Variants in TPCN1 observed in about 807,000 individuals in gnomAD.
The protein encoded by TPCN1 is two pore channel protein 1.
TPCN1 carries 52 observed loss-of-function variants against 108.8 expected under a neutral mutation model. The ratio of observed to expected loss-of-function variants is 0.48; its 90% CI spans 0.38 to 0.60. The LOEUF is 0.60. TPCN1 is among the 20% of genes least tolerant of loss of function. The probability of loss-of-function intolerance (pLI) is 0.00; values close to 1 mark genes in which losing one functional copy is unlikely to be tolerated. For synonymous variants in TPCN1, 446 were observed against 433.7 expected (o/e 1.03, Z -0.35); for missense variants, 806 against 1,072.8 (o/e 0.75, Z 3.47).
intron 22 of TPCN1, 131 bp from the exon 23 acceptor site, chr12:113,290,821 C>A: frequency 2.4e-6 from 2 of 842,218 alleles, no homozygotes; most frequent in Non-Finnish European, 4.0e-6. Context: ...CTGGAGCTCA[C>A]AACCCAAGCG....
chr12:113,258,293 C>CT (rs1174310329), intron 2 of TPCN1, among the ~76,000 whole-genome samples: 1 of 152,080 alleles, frequency 6.6e-6, no homozygotes, highest in Non-Finnish European at 1.5e-5. Context: ...ATGCTAAACC[C>CT]TGTCTCTACT....
At chr12:113,295,854 GCC>G (rs1956408247) in intron 27 of TPCN1, 104 bp from the exon 28 acceptor site, 2 of 1,297,664 alleles carry the variant, frequency 1.5e-6, no homozygotes, top group Non-Finnish European at 2.1e-6. Flanking sequence ...GAGGCTGGCA[GCC>G]CTGCCCCTTC....
At chr12:113,281,670 C>G (rs1341750545) in intron 15 of TPCN1, among the ~76,000 whole-genome samples, 1 of 152,160 alleles carries the variant, frequency 6.6e-6, no homozygotes, top group Non-Finnish European at 1.5e-5. Flanking sequence ...TTCTGAGTAG[C>G]TGGGACCACA....
chr12:113,260,412 A>G lies in TPCN1; in HGVS notation c.157A>G (p.Ser53Gly). 1 of 1,533,206 alleles carries G rather than the reference A, an allele frequency of 6.5e-7. No individual in the cohort carries two copies. The highest frequency in any genetic ancestry group is 1.4e-5 in the African/African-American group (1 of 69,560). The allele number at this position is 1,533,206 out of a possible 1,614,324, so 95.0% of individuals were successfully genotyped here. The change falls in exon 3 of 28, where the codon AGC (serine) becomes GGC (glycine). Residue 53 changes from serine to glycine, a missense_variant. By Grantham distance (56) the Ser-to-Gly change is moderately conservative. Coordinates refer to ENST00000335509, the MANE Select transcript of TPCN1 (RefSeq NM_017901.6). The part of the protein sequence containing the change: ...AIHDSQAPSL[S>G]SGGESSPSSP... ...CCACGACTCCCAGGCCCCCAGTCTC[A>G]GCTCTGGGGGTGAGAGTTCCCCCTC...
chr12:113,279,380 TATATATATATA>T (rs1369173165), intron 14 of TPCN1, among the ~76,000 whole-genome samples: 23 of 33,990 alleles, frequency 6.8e-4, no homozygotes, highest in African/African-American at 2.8e-3. Flanking sequence ...TATATATATA[TATATATATATA>T]TTTTTTTTTT....
intron 2 of TPCN1, among the ~76,000 whole-genome samples, chr12:113,239,337 A>ACTGGGCAGGG (rs1954015977): frequency 6.6e-6 from 1 of 152,110 alleles, no homozygotes; most frequent in Admixed American, 6.5e-5. Flanking sequence ...GTTTGAGATG[A>ACTGGGCAGGG]CTGGGCAGGG....
At chr12:113,258,157 G>A (rs769202126) in intron 2 of TPCN1, among the ~76,000 whole-genome samples, 5 of 152,108 alleles carry the variant, frequency 3.3e-5, no homozygotes, top group Admixed American at 6.6e-5. Flanking sequence ...ACAACTTAGC[G>A]AAACTGTTTT....
intron 18 of TPCN1, 109 bp downstream of exon 18, chr12:113,286,070 G>A (rs1196447334): frequency 1.0e-6 from 1 of 986,398 alleles, no homozygotes; most frequent in Non-Finnish European, 1.6e-6. Flanking sequence ...CAGAGGGAGG[G>A]TCTGAGGATG....
intron 17 of TPCN1, among the ~76,000 whole-genome samples, chr12:113,285,152 G>C (rs1056272088): frequency 6.6e-6 from 1 of 152,204 alleles, no homozygotes; most frequent in Non-Finnish European, 1.5e-5. Context: ...TGACTTTCCT[G>C]CTCTTTCCAT....
At chr12:113,243,791 AAGTTT>A (rs1042917285) in intron 2 of TPCN1, among the ~76,000 whole-genome samples, 1 of 150,032 alleles carries the variant, frequency 6.7e-6, no homozygotes, top group African/African-American at 2.4e-5. Flanking sequence ...AAAATAAAAA[AAGTTT>A]AGAAAGGTGT....
At chr12:113,271,914 C>T (rs970778180) in intron 7 of TPCN1, among the ~76,000 whole-genome samples, 1 of 152,200 alleles carries the variant, frequency 6.6e-6, no homozygotes, top group Non-Finnish European at 1.5e-5. Context: ...GAAGCCGTGG[C>T]ACTCAGCTGG....
intron 14 of TPCN1, among the ~76,000 whole-genome samples, chr12:113,279,118 T>A (rs1185199031): frequency 6.6e-6 from 1 of 151,842 alleles, no homozygotes; most frequent in Admixed American, 6.6e-5. Context: ...GCAAAGATGT[T>A]CATTGAAGAA....
intron 21 of TPCN1, 94 bp from the exon 22 acceptor site, chr12:113,290,034 G>T: frequency 1.3e-6 from 1 of 783,620 alleles, no homozygotes; most frequent in South Asian, 1.7e-5. Context: ...AAGGATCCTT[G>T]GCCAGAACTC....
intron 2 of TPCN1, among the ~76,000 whole-genome samples, chr12:113,227,593 A>T (rs1387402405): frequency 6.6e-6 from 1 of 152,136 alleles, no homozygotes; most frequent in Non-Finnish European, 1.5e-5. Context: ...AGGCCTTGAA[A>T]ACCTTTCTGG....
chr12:113,283,597 C>G (rs937782938), intron 15 of TPCN1, among the ~76,000 whole-genome samples: 6 of 151,882 alleles, frequency 4.0e-5, no homozygotes, highest in African/African-American at 1.5e-4. Context: ...TCACGCCCCA[C>G]TGCACTTCAG....
At chr12:113,241,551 G>A (rs568943160) in intron 2 of TPCN1, among the ~76,000 whole-genome samples, 15 of 152,332 alleles carry the variant, frequency 9.8e-5, no homozygotes, top group East Asian at 9.6e-4. Flanking sequence ...CCGAGCACTG[G>A]CTTTCTGCTG....
intron 15 of TPCN1, chr12:113,280,412 C>T (rs570939932): frequency 4.7e-5 from 20 of 421,912 alleles, no homozygotes; most frequent in African/African-American, 4.0e-4. Context: ...CCTCTCTAGA[C>T]CTAGATTTTT....
chr12:113,271,096 C>A (rs188442321), intron 7 of TPCN1, among the ~76,000 whole-genome samples: 1 of 152,068 alleles, frequency 6.6e-6, no homozygotes, highest in Admixed American at 6.5e-5. Context: ...CATCTCTACA[C>A]ACACACAAAA....
chr12:113,255,719 G>A (rs1035458374), intron 2 of TPCN1, among the ~76,000 whole-genome samples: 12 of 149,444 alleles, frequency 8.0e-5, no homozygotes, highest in South Asian at 2.1e-4. Flanking sequence ...AGAGACGGGC[G>A]GGGTTTCACT....
Sources: gnomAD v4.1 joint callset for allele counts (sites outside exome capture counted in the v4.1 genomes callset) on GRCh38, gnomAD v4.1.1 for gene constraint, MANE v1.5 for transcripts, NCBI Gene and HGNC (gene_info 2026-07-23, HGNC 2026-07-21) for gene names.